Variants in DND1 observed in about 807,000 individuals in gnomAD.
DND1 encodes the protein dead end protein homolog 1.
DND1 carries 6 observed loss-of-function variants against 30.4 expected under a neutral mutation model. The ratio of observed to expected loss-of-function variants is 0.20; its 90% confidence interval spans 0.11 to 0.39. DND1 has a LOEUF of 0.39. DND1 is among the 10% of genes least tolerant of loss of function. DND1 has a pLI of 1.00. For missense variants in DND1, 358 were observed against 474.9 expected, an observed-to-expected ratio of 0.75 and a Z score of 2.29; for synonymous variants, 178 against 210.4, an observed-to-expected ratio of 0.85 and a Z score of 1.33.
At position 140,671,204 on chromosome 5, in the gene DND1, G is replaced by T; in HGVS notation, c.*89C>A. The T allele has an allele frequency of 1.3e-6, 2 of 1,553,400 alleles. No homozygotes were observed. The highest frequency in any genetic ancestry group is 1.8e-6 in the Non-Finnish European group (2 of 1,128,912). On this transcript the variant is annotated 3_prime_UTR_variant, in exon 4 of 4. Coordinates refer to ENST00000542735, the MANE Select transcript of DND1 (RefSeq NM_194249.3). ...CCCATGCCCCTCCCCACCTTTGGGG[G>T]TCAGAAAGTGGCCACCCAGGCCTGC...
rs766254687 is a variant in DND1 at position 140,673,390 on chromosome 5, TGA to T, written c.25-4_25-3del. The T allele has an allele frequency of 2.3e-4, 370 of 1,613,954 alleles. No individual in the cohort carries two copies. Among genetic ancestry groups the T allele is most frequent in the Non-Finnish European group, 2.9e-4 (344 of 1,179,988 alleles). On this transcript the variant is annotated splice_region_variant and splice_polypyrimidine_tract_variant and intron_variant, in intron 1 of 3. Transcript: ENST00000542735. ...TGGATTCACCCTCTCACACCACAGC[TGA>T]GAGGGAAAGGAAGGTTGGAATGGCG... is the stretch of plus-strand genomic sequence containing the variant.
At chr5:140,671,798 A>C (rs1554105980) in intron 3 of DND1, 48 bp from the exon 4 acceptor site, 8 of 1,547,024 alleles carry the variant, frequency 5.2e-6, no homozygotes, top group Non-Finnish European at 6.1e-6. Context: ...CCTGGGCCCA[A>C]GCCTCCAGGT....
At position 140,671,482 on chromosome 5, in the gene DND1, C is replaced by A; in HGVS notation, c.873G>T (p.Gln291His). 1 of 1,604,000 alleles carries A rather than the reference C, an allele frequency of 6.2e-7. No homozygotes were observed. The highest frequency in any genetic ancestry group is 8.5e-7 in the Non-Finnish European group (1 of 1,176,676). ...GCACCGGATGCCCAGGAATCACCAC[C>A]TGGTACCAGAAGCGGTGCCAGCCAG... The part of the protein sequence containing the change: ...GPAGWHRFWY[Q>H]VVIPGHPVPF... Residue 291 changes from glutamine to histidine, a missense_variant, in exon 4 of 4, where the codon CAG becomes CAT. Gln to His is a conservative substitution (Grantham distance 24). Transcript: ENST00000542735.
At chr5:140,672,266 T>G in intron 3 of DND1, 179 bp downstream of exon 3, 2 of 680,572 alleles carry the variant, frequency 2.9e-6, no homozygotes, top group African/African-American at 1.8e-5. Context: ...GTGTCACAAA[T>G]TTAGGTAAGC....
chr5:140,671,971 T>A, intron 3 of DND1: 1 of 615,696 alleles, frequency 1.6e-6, no homozygotes, highest in Non-Finnish European at 2.9e-6. Context: ...AAGTACTGGT[T>A]AATTGCAGGC....
At chr5:140,672,939 G>A (rs1439116795) in intron 2 of DND1, 33 bp from the exon 3 acceptor site, 3 of 1,535,484 alleles carry the variant, frequency 2.0e-6, no homozygotes, top group South Asian at 1.2e-5. Context: ...GCCACCGTCA[G>A]GCGACGCTTT....
intron 3 of DND1, 76 bp from the exon 4 acceptor site, chr5:140,671,826 TAC>T (rs1491047347): frequency 9.6e-6 from 14 of 1,456,898 alleles, no homozygotes; most frequent in East Asian, 7.4e-5. Flanking sequence ...CCTTTGGAGC[TAC>T]ACAGTCCTGT....
intron 3 of DND1, 194 bp downstream of exon 3, chr5:140,672,251 G>A (rs1466920314): frequency 7.9e-6 from 5 of 636,788 alleles, no homozygotes; most frequent in Non-Finnish European, 1.4e-5. Flanking sequence ...GGTAATGCTC[G>A]GGAAGTGTCA....
At position 140,671,153 on chromosome 5, in the gene DND1, C is replaced by T. The variant is rs111396059; in HGVS notation, c.*140G>A. 1.1e-5 allele frequency: 12 copies of T among 1,101,726 alleles called. No homozygotes were observed. Among genetic ancestry groups the T allele is most frequent in the African/African-American group, 1.6e-5 (1 of 63,940 alleles). 68.2% of individuals were successfully genotyped at this position (1,101,726 alleles called of 1,614,324 possible). On this transcript the variant is annotated 3_prime_UTR_variant, in exon 4 of 4. Transcript: ENST00000542735. ...CCCCCAGGTGCCATAGGTCCCTGTC[C>T]CAGCAGGGAGGCTGATGGGCCTGGG...
chr5:140,672,641 C>T lies in DND1; in HGVS notation c.408G>A (p.Glu136=). The change falls in exon 3 of 4, where the codon GAG becomes GAA. Residue 136 remains glutamate, a synonymous_variant. Coordinates refer to ENST00000542735, the MANE Select transcript of DND1 (RefSeq NM_194249.3). ...SCPLLVCRST[E]KCELSVDGLP... ...GGCCGTCAACGCTCAGCTCACACTT[C>T]TCGGTGCTGCGGCACACGAGCAGCG... 7 of 1,571,542 alleles carry T rather than the reference C, an allele frequency of 4.5e-6. No homozygotes were observed. The highest frequency in any genetic ancestry group is 6.0e-6 in the Non-Finnish European group (7 of 1,167,056).
chr5:140,671,267 AGG>A lies in DND1; in HGVS notation c.*24_*25del. 1 of 1,612,186 alleles carries A rather than the reference AGG, an allele frequency of 6.2e-7. No individual in the cohort carries two copies. The highest frequency in any genetic ancestry group is 8.5e-7 in the Non-Finnish European group (1 of 1,179,648). ...TGACACAGGCTCTGCATGCCCATTC[AGG>A]GTGCCTGTGGAGAAAGAATGGAGTC... On this transcript the variant is annotated 3_prime_UTR_variant, in exon 4 of 4. Transcript: ENST00000542735.
Position 140,672,556 on chromosome 5 carries a change from A to T in DND1, c.493T>A (p.Leu165Met). Residue 165 changes from leucine (L) to methionine (M), a missense_variant, in exon 3 of 4, where the codon TTG (leucine) becomes ATG (methionine). By Grantham distance (15) the Leu-to-Met change is conservative. Around this residue, in one of 3 missense-constraint regions of DND1, gnomAD observed 62 missense variants for 40.6 expected, o/e 1.53. Coordinates refer to ENST00000542735, the MANE Select transcript of DND1 (RefSeq NM_194249.3). ...LLALQPLGPGLQEARLLPSPG... is the reference protein window; with the variant it reads ...LLALQPLGPGMQEARLLPSPG... ...CTGGGCAGCAGCCGCGCCTCCTGCA[A>T]GCCGGGACCCAGCGGCTGCAGCGCG... The T allele has an allele frequency of 6.3e-7, 1 of 1,587,124 alleles. No individual in the cohort carries two copies. Among genetic ancestry groups the T allele is most frequent in the Non-Finnish European group, 8.5e-7 (1 of 1,172,006 alleles).
chr5:140,673,441 C>G, intron 1 of DND1, 53 bp from the exon 2 acceptor site: 1 of 1,613,708 alleles, frequency 6.2e-7, no homozygotes. Context: ...GCCCCCACCT[C>G]TCCTGTGGTA....
Position 140,672,615 on chromosome 5 carries a change from A to C in DND1, c.434T>G (p.Leu145Arg). 2 of 1,567,642 alleles carry C rather than the reference A, an allele frequency of 1.3e-6. No homozygotes were observed. Among genetic ancestry groups the C allele is most frequent in the Non-Finnish European group, 1.7e-6 (2 of 1,164,524 alleles). ...CGCGCTGCGGGTCAGATTCGGCGGC[A>C]GGCCGTCAACGCTCAGCTCACACTT... ...TEKCELSVDG[L>R]PPNLTRSALL... The change falls in exon 3 of 4, where the codon CTG becomes CGG. Residue 145 changes from leucine to arginine, a missense_variant. By Grantham distance (102) the Leu-to-Arg change is moderately radical. Coordinates refer to ENST00000542735, the MANE Select transcript of DND1 (RefSeq NM_194249.3).
chr5:140,672,182 A>G lies in DND1; in HGVS notation c.604+263T>C, dbSNP rs116785008. The G allele has an allele frequency of 2.3e-3, 1,301 of 576,614 alleles. 12 individuals carry two copies. The African/African-American group carries it at 0.023, about 10-fold the overall frequency. 35.7% of individuals were successfully genotyped at this position (576,614 alleles called of 1,614,324 possible). ...TCTCTAACAGTTTCCTCATAGCTTG[A>G]GGGTCCTGTGCCTATTTTGCGGTGT... On this transcript the variant is annotated intron_variant, in intron 3 of 3. Coordinates refer to ENST00000542735, the MANE Select transcript of DND1 (RefSeq NM_194249.3).
chr5:140,671,955 TTG>T (rs911754201), intron 3 of DND1: 16 of 632,880 alleles, frequency 2.5e-5, no homozygotes, highest in Non-Finnish European at 4.1e-5. Context: ...ACAAGTTTCC[TTG>T]GAGAAGTACT....
At position 140,672,813 on chromosome 5, in the gene DND1, T is replaced by C. The variant is rs1284922931; in HGVS notation, c.236A>G (p.Gln79Arg). The part of the protein sequence containing the change: ...VYEHQLIPLF[Q>R]RVGRLYEFRL... Reference sequence around the variant, plus strand: ...GAACTCGTAGAGGCGGCCCACGCGCTGGAACAGCGGGATAAGCTGGTGCTC... The same window carrying C: ...GAACTCGTAGAGGCGGCCCACGCGCCGGAACAGCGGGATAAGCTGGTGCTC... The change falls in exon 3 of 4, where the codon CAG (glutamine) becomes CGG (arginine). Residue 79 changes from glutamine (Q) to arginine (R), a missense_variant. Transcript: ENST00000542735. The C allele has an allele frequency of 4.5e-6, 7 of 1,565,202 alleles. No individual in the cohort carries two copies. Among genetic ancestry groups the C allele is most frequent in the African/African-American group, 1.3e-5 (1 of 74,122 alleles).
At chr5:140,672,293 T>G in intron 3 of DND1, 152 bp downstream of exon 3, 1 of 808,156 alleles carries the variant, frequency 1.2e-6, no homozygotes, top group Non-Finnish European at 1.9e-6. Context: ...GGTAGCACCA[T>G]TGGAAGTTTT....
Position 140,672,603 on chromosome 5 carries a change from A to G in DND1, c.446T>C (p.Leu149Pro). 2 of 1,572,220 alleles carry G rather than the reference A, an allele frequency of 1.3e-6. No homozygotes were observed. The highest frequency in any genetic ancestry group is 1.7e-6 in the Non-Finnish European group (2 of 1,166,314). Residue 149 changes from leucine to proline, a missense_variant, in exon 3 of 4, where the codon CTG becomes CCG. By Grantham distance (98) the Leu-to-Pro change is moderately conservative. Coordinates refer to ENST00000542735, the MANE Select transcript of DND1 (RefSeq NM_194249.3). ...CGCGAGCAGCAGCGCGCTGCGGGTC[A>G]GATTCGGCGGCAGGCCGTCAACGCT... ...ELSVDGLPPN[L>P]TRSALLLALQ... is the part of the protein sequence containing the mutation.
Sources: allele counts gnomAD v4.1 joint callset, GRCh38; gene constraint gnomAD v4.1.1; regional missense constraint gnomAD v4.1.1; transcripts MANE v1.5; gene names NCBI Gene and HGNC (gene_info 2026-07-23, HGNC 2026-07-21).